The following NBPF11 variants were observed in gnomAD, a reference collection of about 807,000 sequenced individuals.
NBPF11 encodes the protein NBPF member 11.
NBPF11 carries 72 observed loss-of-function variants against 93.9 expected under a neutral mutation model. The ratio of observed to expected loss-of-function variants is 0.77; its 90% CI spans 0.63 to 0.93. NBPF11 has a LOEUF of 0.93. Ranked by LOEUF, NBPF11 falls within the 40% of genes least tolerant of loss-of-function variation. The pLI, the probability that NBPF11 is intolerant of heterozygous loss-of-function variation, is 0.00. For synonymous variants in NBPF11, 224 were observed against 304.9 expected, an observed-to-expected ratio of 0.73 and a Z score of 2.76; for missense variants, 705 against 802.2, an observed-to-expected ratio of 0.88 and a Z score of 1.46.
chr1:148,116,322 G>C (rs1258514171), intron 13 of NBPF11, 141 bp downstream of exon 13: 1 of 876,794 alleles, frequency 1.1e-6, no homozygotes, highest in East Asian at 2.4e-5. Flanking sequence ...CGCACCCTGT[G>C]TCTAAGCTGG....
rs1348129429 is a variant in NBPF11, at chr1:148,115,478, GACAGATGACTAAATC to G, written c.1585+300_1585+314del. 3.3e-5 allele frequency among the ~76,000 whole-genome samples: 5 copies of G among 150,952 alleles called. 1 individual carries two copies. The highest frequency in any genetic ancestry group is 1.2e-4 in the African/African-American group (5 of 40,394). On this transcript the variant is annotated intron_variant, in intron 14 of 23. Transcript: ENST00000682118. Reference sequence around the variant, plus strand: ...AGAAACTCCATGGACATTGTTCAGGGACAGATGACTAAATCACAGATGACAAGAGATACTGAATCG... The same window carrying G: ...AGAAACTCCATGGACATTGTTCAGGGACAGATGACAAGAGATACTGAATCG...
chr1:148,123,701 T>C lies in NBPF11; in HGVS notation c.493+152A>G, dbSNP rs1204015439. 4.7e-5 allele frequency: 69 copies of C among 1,479,958 alleles called. No individual in the cohort carries two copies. In the African/African-American group the frequency reaches 8.3e-4, roughly 18 times the overall value. 91.7% of individuals were successfully genotyped at this position (1,479,958 alleles called of 1,614,324 possible). A position where few individuals can be genotyped will look rare whatever the true frequency, so the allele number is the denominator to read the frequency against. ...TCCAAACCGATGGGTTTCCCATTTCTGTTCTTACTCAGGAAGTCCTGATCA... is the reference window on the plus strand; with the variant it reads ...TCCAAACCGATGGGTTTCCCATTTCCGTTCTTACTCAGGAAGTCCTGATCA... On this transcript the variant is annotated intron_variant, in intron 7 of 23. Coordinates refer to ENST00000682118, the MANE Select transcript of NBPF11 (RefSeq NM_001385469.3).
intron 2 of NBPF11, among the ~76,000 whole-genome samples, chr1:148,140,878 T>A (rs1253172643): frequency 4.6e-5 from 7 of 151,708 alleles, no homozygotes; most frequent in Admixed American, 1.3e-4. Context: ...AATTTTATCA[T>A]AATTGTCAAA....
chr1:148,149,488 C>G (rs1315030860), intron 1 of NBPF11: 2 of 1,592,318 alleles, frequency 1.3e-6, no homozygotes, highest in African/African-American at 1.4e-5. Context: ...CCGGGCACAA[C>G]GACATCGAGC....
rs1666671714 is a variant in NBPF11, at chr1:148,116,821, T to A, written c.1307-286A>T. Reference sequence around the variant, plus strand: ...CAGCCTCTCTCTGGACTTTGGCAGCTGTCTCCCCCATCCTGCCAGATCTGA... The same window carrying A: ...CAGCCTCTCTCTGGACTTTGGCAGCAGTCTCCCCCATCCTGCCAGATCTGA... On this transcript the variant is annotated intron_variant, in intron 12 of 23. Coordinates refer to ENST00000682118, the MANE Select transcript of NBPF11 (RefSeq NM_001385469.3). Among the ~76,000 whole-genome samples the A allele has an allele frequency of 2.6e-5, 4 of 152,090 alleles. No individual in the cohort carries two copies. In the South Asian group the frequency reaches 8.3e-4, roughly 31 times the overall value.
At chr1:148,117,188 C>G in intron 12 of NBPF11, among the ~76,000 whole-genome samples, 1 of 151,636 alleles carries the variant, frequency 6.6e-6, no homozygotes, top group South Asian at 2.1e-4. Flanking sequence ...TCAGGAAGGA[C>G]AAGTCATTCA....
At chr1:148,120,170 TTGTC>T (rs1667493678) in intron 10 of NBPF11, among the ~76,000 whole-genome samples, 1 of 151,982 alleles carries the variant, frequency 6.6e-6, no homozygotes, top group Admixed American at 6.6e-5. Flanking sequence ...TAGATGTTAT[TTGTC>T]TGCAGGATCT....
chr1:148,132,644 T>C (rs1670599643), intron 4 of NBPF11, among the ~76,000 whole-genome samples: 2 of 146,686 alleles, frequency 1.4e-5, no homozygotes, highest in Admixed American at 1.4e-4. Context: ...TCCCCACTAA[T>C]TTAGTTCTTT....
At chr1:148,122,646 A>T in intron 8 of NBPF11, 83 bp downstream of exon 8, 1 of 1,580,114 alleles carries the variant, frequency 6.3e-7, no homozygotes, top group Non-Finnish European at 8.7e-7. Context: ...CTTTTGGCCC[A>T]TCATAGATGC....
intron 1 of NBPF11, among the ~76,000 whole-genome samples, chr1:148,147,196 T>C (rs1290524969): frequency 6.6e-6 from 1 of 152,108 alleles, no homozygotes. Flanking sequence ...GGGGCTGAGC[T>C]TGTCACAGGG....
intron 12 of NBPF11, among the ~76,000 whole-genome samples, chr1:148,116,964 G>T (rs1317479986): frequency 2.0e-5 from 3 of 152,178 alleles, no homozygotes; most frequent in African/African-American, 7.2e-5. Flanking sequence ...GCCTCCAAGT[G>T]GCTTCTGCTG....
chr1:148,112,258 T>A (rs2149197873), intron 15 of NBPF11, among the ~76,000 whole-genome samples: 1 of 145,186 alleles, frequency 6.9e-6, no homozygotes, highest in South Asian at 2.2e-4. Flanking sequence ...ACCCATTAAC[T>A]CATCATTTAA....
intron 6 of NBPF11, among the ~76,000 whole-genome samples, 167 bp from the exon 7 acceptor site, chr1:148,124,234 C>T (rs1157946830): frequency 3.6e-3 from 540 of 151,246 alleles, no homozygotes; most frequent in African/African-American, 0.012. Flanking sequence ...AGAAAATGGT[C>T]TACAGGCTTT....
At chr1:148,104,246 T>A (rs1159528819) in intron 23 of NBPF11, among the ~76,000 whole-genome samples, 4 of 145,152 alleles carry the variant, frequency 2.8e-5, no homozygotes, top group Non-Finnish European at 6.0e-5. Flanking sequence ...CAAACTGTGA[T>A]CATGAAAAGA....
At chr1:148,126,143 G>A (rs1423167614) in intron 5 of NBPF11, among the ~76,000 whole-genome samples, 7 of 151,772 alleles carry the variant, frequency 4.6e-5, no homozygotes, top group Non-Finnish European at 1.0e-4. Context: ...GGTGATTACA[G>A]TTGCCCGCCA....
intron 1 of NBPF11, among the ~76,000 whole-genome samples, chr1:148,150,772 C>T (rs1648094697): frequency 1.3e-5 from 2 of 149,360 alleles, no homozygotes; most frequent in African/African-American, 5.0e-5. Context: ...GTCACCCAGG[C>T]TGGAGTGCAG....
intron 4 of NBPF11, among the ~76,000 whole-genome samples, chr1:148,134,053 G>A (rs1670870704): frequency 6.6e-6 from 1 of 152,048 alleles, no homozygotes; most frequent in African/African-American, 2.4e-5. Context: ...CTGACAGCAG[G>A]GAGGGCAAAT....
rs1276891209 is a variant in NBPF11, at chr1:148,105,520, C to G, written c.2312G>C (p.Arg771Thr). Residue 771 changes from arginine (R) to threonine (T), a missense_variant, in exon 22 of 24, where the codon AGG becomes ACG. By Grantham distance (71) the Arg-to-Thr change is moderately conservative. Coordinates refer to ENST00000682118, the MANE Select transcript of NBPF11 (RefSeq NM_001385469.3). ...AGGCTCTACTACCTCCAGCAGCTCCCTGCTGAGCCTGGAAAAGGAGGAAAA... is the reference window on the plus strand; with the variant it reads ...AGGCTCTACTACCTCCAGCAGCTCCGTGCTGAGCCTGGAAAAGGAGGAAAA... The part of the protein sequence containing the change: ...DQGPPCPRLS[R>T]ELLEVVEPEV... 5 of 880,166 alleles carry G rather than the reference C, an allele frequency of 5.7e-6. 1 individual carries two copies. Among genetic ancestry groups the G allele is most frequent in the African/African-American group, 4.5e-5 (2 of 44,662 alleles). The allele number at this position is 880,166 out of a possible 1,614,324, so 54.5% of individuals were successfully genotyped here.
chr1:148,129,207 T>C (rs2404369), intron 4 of NBPF11, among the ~76,000 whole-genome samples: 1 of 146,846 alleles, frequency 6.8e-6, no homozygotes, highest in African/African-American at 2.5e-5. Context: ...AAAATATATA[T>C]ACACACACGA....
Sources: allele counts gnomAD v4.1 joint callset (sites outside exome capture counted in the v4.1 genomes callset), GRCh38; gene constraint gnomAD v4.1.1; transcripts MANE v1.5; gene names NCBI Gene and HGNC (gene_info 2026-07-23, HGNC 2026-07-21).